Variants in PEAK1 observed in about 807,000 individuals in gnomAD.
PEAK1 encodes inactive tyrosine-protein kinase PEAK1.
PEAK1 carries 54 observed loss-of-function variants against 124.7 expected under a neutral mutation model. The ratio of observed to expected loss-of-function variants is 0.43; its 90% CI spans 0.35 to 0.54. The LOEUF (loss-of-function observed/expected upper bound fraction) is 0.54. Ranked by LOEUF, PEAK1 falls within the 20% of genes least tolerant of loss-of-function variation. PEAK1 has a pLI of 0.01. For missense variants in PEAK1, 2,046 were observed against 2,134.5 expected (o/e 0.96, Z 0.82); for synonymous variants, 719 against 760.0 (o/e 0.95, Z 0.89).
rs759285281 is a variant in PEAK1, at chr15:77,180,753, T to C, written c.1174A>G (p.Ser392Gly). The change falls in exon 7 of 10, where the codon AGT becomes GGT. Residue 392 changes from serine to glycine, a missense_variant. Physicochemically the swap from Ser to Gly is moderately conservative, Grantham distance 56. Coordinates refer to ENST00000682557, the MANE Select transcript of PEAK1 (RefSeq NM_001385026.1). ...GATGAATCTTTATCCTGATTATTAC[T>C]AGAGGGACTTTCATAATTGGGCTCA... ...EIEPNYESPSSNNQDKDSSQA... is the reference protein window; with the variant it reads ...EIEPNYESPSGNNQDKDSSQA... 2.5e-6 allele frequency: 4 copies of C among 1,614,016 alleles called. No homozygotes were observed. Among genetic ancestry groups the C allele is most frequent in the Middle Eastern group, 3.3e-4 (2 of 6,084 alleles).
chr15:77,309,162 GCCATTA>G (rs2064279968), intron 2 of PEAK1, among the ~76,000 whole-genome samples: 1 of 152,040 alleles, frequency 6.6e-6, no homozygotes, highest in Admixed American at 6.6e-5. Flanking sequence ...ACAAGTTTGT[GCCATTA>G]CCAAAGATGA....
At chr15:77,409,289 CAT>C (rs971271290) in intron 1 of PEAK1, among the ~76,000 whole-genome samples, 5 of 152,252 alleles carry the variant, frequency 3.3e-5, no homozygotes, top group Admixed American at 6.5e-5. Flanking sequence ...TTAGCACACA[CAT>C]GATACTATGC....
chr15:77,374,017 A>T (rs922186667), intron 1 of PEAK1, among the ~76,000 whole-genome samples: 2 of 152,206 alleles, frequency 1.3e-5, no homozygotes, highest in Non-Finnish European at 2.9e-5. Context: ...TGTGCAAAAA[A>T]ATCTTCAATG....
intron 6 of PEAK1, among the ~76,000 whole-genome samples, chr15:77,239,184 A>C (rs1029266067): frequency 6.6e-6 from 1 of 152,242 alleles, no homozygotes; most frequent in African/African-American, 2.4e-5. Context: ...AATATTGTAC[A>C]TACTTTTAAG....
intron 7 of PEAK1, among the ~76,000 whole-genome samples, chr15:77,168,519 G>C (rs1161592798): frequency 6.6e-6 from 1 of 152,236 alleles, no homozygotes; most frequent in Admixed American, 6.5e-5. Context: ...AAAGATGAGT[G>C]TGGCTATTTT....
At chr15:77,247,404 T>C (rs2060636112) in intron 6 of PEAK1, among the ~76,000 whole-genome samples, 1 of 151,970 alleles carries the variant, frequency 6.6e-6, no homozygotes. Context: ...TATTATGAAT[T>C]AATGCAGTAT....
intron 5 of PEAK1, among the ~76,000 whole-genome samples, chr15:77,281,107 G>A (rs2062648435): frequency 6.6e-6 from 1 of 152,024 alleles, no homozygotes; most frequent in East Asian, 1.9e-4. Flanking sequence ...AGCAAAGGCT[G>A]CAATGAGCCG....
chr15:77,324,671 G>A (rs1260579996), intron 2 of PEAK1, among the ~76,000 whole-genome samples: 1 of 152,116 alleles, frequency 6.6e-6, no homozygotes, highest in African/African-American at 2.4e-5. Context: ...CATGGCAGAA[G>A]GCAAAGGGGG....
At position 77,340,954 on chromosome 15, in the gene PEAK1, C is replaced by CT. The variant is rs530345918; in HGVS notation, c.-603+24208dup. On this transcript the variant is annotated intron_variant, in intron 2 of 9. Transcript: ENST00000682557. ...GAAAGTACTATACTTACAATTATAG[C>CT]TTTTTTTTTTTTTTTAATACAGGGT... is the stretch of plus-strand genomic sequence containing the variant. Among the ~76,000 whole-genome samples the CT allele has an allele frequency of 6.3e-3, 907 of 143,118 alleles. 6 individuals are homozygous for CT. Among genetic ancestry groups the CT allele is most frequent in the African/African-American group, 0.018 (694 of 38,902 alleles). 93.9% of individuals were successfully genotyped at this position (143,118 alleles called of 152,430 possible). A position where few individuals can be genotyped will look rare whatever the true frequency, so the allele number is the denominator to read the frequency against.
At position 77,370,966 on chromosome 15, in the gene PEAK1, G is replaced by A. The variant is rs143766698; in HGVS notation, c.-665-5741C>T. 3,379 of 578,086 alleles carry A rather than the reference G, an allele frequency of 5.8e-3. 12 individuals are homozygous for A. The highest frequency in any genetic ancestry group is 6.7e-3 in the Non-Finnish European group (3,090 of 459,558). 35.8% of individuals were successfully genotyped at this position (578,086 alleles called of 1,614,324 possible). A position where few individuals can be genotyped will look rare whatever the true frequency, so the allele number is the denominator to read the frequency against. On this transcript the variant is annotated intron_variant, in intron 1 of 9. Transcript: ENST00000682557. The stretch of plus-strand genomic sequence containing the variant: ...AATCGCTTGAACCCAGGAGGCGGAG[G>A]TTGCAGTGAGCTGAGATTGCGCCAC...
chr15:77,360,787 A>T (rs2067837482), intron 2 of PEAK1, among the ~76,000 whole-genome samples: 1 of 151,768 alleles, frequency 6.6e-6, no homozygotes, highest in African/African-American at 2.4e-5. Flanking sequence ...TAATATAAAT[A>T]AACATATATA....
intron 5 of PEAK1, among the ~76,000 whole-genome samples, chr15:77,265,502 A>G (rs960724620): frequency 1.5e-4 from 23 of 152,252 alleles, no homozygotes; most frequent in African/African-American, 4.3e-4. Context: ...GACACATGAA[A>G]AAATGCTCAC....
chr15:77,176,300 A>G (rs1430243403), intron 7 of PEAK1, among the ~76,000 whole-genome samples: 2 of 150,042 alleles, frequency 1.3e-5, no homozygotes, highest in Non-Finnish European at 3.0e-5. Flanking sequence ...AAAAATGCTA[A>G]CAAATAAAGT....
intron 6 of PEAK1, among the ~76,000 whole-genome samples, chr15:77,250,189 A>G (rs1409441222): frequency 2.7e-5 from 3 of 112,768 alleles, no homozygotes; most frequent in East Asian, 2.0e-4. Context: ...ATGTATATAT[A>G]TACATATATA....
Position 77,181,150 on chromosome 15 carries a change from C to T in PEAK1, c.777G>A (p.Leu259=), listed in dbSNP as rs768769601. The change falls in exon 7 of 10, where the codon CTG becomes CTA. Residue 259 remains leucine, a synonymous_variant. Coordinates refer to ENST00000682557, the MANE Select transcript of PEAK1 (RefSeq NM_001385026.1). ...HESWDESDEE[L]LAMEIRMRGQ... ...CTCTCATGCGAATCTCCATGGCCAA[C>T]AGCTCTTCATCACTCTCATCCCAAC... The T allele has an allele frequency of 2.1e-5, 34 of 1,614,178 alleles. 1 individual carries two copies. In the South Asian group the frequency reaches 3.4e-4, roughly 16 times the overall value.
intron 9 of PEAK1, among the ~76,000 whole-genome samples, chr15:77,119,615 C>T (rs2051727844): frequency 6.6e-6 from 1 of 152,158 alleles, no homozygotes; most frequent in African/African-American, 2.4e-5. Context: ...AGCCAAATTA[C>T]CCTCTCCTGA....
At chr15:77,196,388 T>G (rs549483489) in intron 6 of PEAK1, among the ~76,000 whole-genome samples, 106 of 152,348 alleles carry the variant, frequency 7.0e-4, no homozygotes, top group African/African-American at 2.4e-3. Context: ...TTAGAAGTCA[T>G]TAGTTTTCTT....
intron 1 of PEAK1, among the ~76,000 whole-genome samples, chr15:77,410,148 C>T (rs2142103054): frequency 6.6e-6 from 1 of 151,690 alleles, no homozygotes; most frequent in Middle Eastern, 3.4e-3. Context: ...CTTGGCTCAC[C>T]ATGATCTCGG....
At chr15:77,331,841 C>T (rs1597329481) in intron 2 of PEAK1, among the ~76,000 whole-genome samples, 2 of 151,816 alleles carry the variant, frequency 1.3e-5, no homozygotes. Context: ...TGGTCTTGAA[C>T]TCCTGACCTT....
Sources: gnomAD v4.1 joint callset for allele counts (sites outside exome capture counted in the v4.1 genomes callset) on GRCh38, gnomAD v4.1.1 for gene constraint, MANE v1.5 for transcripts, NCBI Gene and HGNC (gene_info 2026-07-23, HGNC 2026-07-21) for gene names.